The following PRR14L variants were observed in gnomAD, a reference collection of about 807,000 sequenced individuals.
PRR14L encodes the protein protein PRR14L.
Under a neutral mutation model 155.0 loss-of-function variants are expected in PRR14L, and 80 were observed. That is an observed-to-expected ratio of 0.52 (90% CI 0.43 to 0.62). The LOEUF (loss-of-function observed/expected upper bound fraction) is 0.62, where lower values mean the gene tolerates loss of function less well. Among genes scored for constraint, PRR14L ranks in the 20% least tolerant of loss-of-function variants. The pLI, the probability that PRR14L is intolerant of heterozygous loss-of-function variation, is 0.00. For missense variants in PRR14L, 2,469 were observed against 2,548.0 expected, an observed-to-expected ratio of 0.97 and a Z score of 0.67; for synonymous variants, 883 against 916.0, an observed-to-expected ratio of 0.96 and a Z score of 0.65.
At chr22:31,733,298 GTTTTTT>G (rs1162819822) in intron 2 of PRR14L, among the ~76,000 whole-genome samples, 7 of 64,068 alleles carry the variant, frequency 1.1e-4, no homozygotes, top group Admixed American at 6.9e-4. Flanking sequence ...CCTGGCCACT[GTTTTTT>G]TTTTTTTTTT....
chr22:31,711,299 C>A (rs932623232), intron 4 of PRR14L, among the ~76,000 whole-genome samples: 1 of 151,778 alleles, frequency 6.6e-6, no homozygotes, highest in Admixed American at 6.6e-5. Context: ...ATGGTGAAAC[C>A]GTCTCTACTA....
At chr22:31,686,217 G>A (rs1046991502) in intron 8 of PRR14L, among the ~76,000 whole-genome samples, 8 of 150,800 alleles carry the variant, frequency 5.3e-5, no homozygotes, top group Non-Finnish European at 1.5e-5. Context: ...TCCTGCCTCA[G>A]CCTCCCAAGT....
chr22:31,717,043 T>C lies in PRR14L; in HGVS notation c.796A>G (p.Thr266Ala). ...TFVDPVLTEA[T>A]PKEKECEELK... ...TCTTCACATTCTTTTTCTTTAGGAG[T>C]TGCTTCTGTTAATACAGGGTCCACA... The change falls in exon 4 of 9, where the codon ACT becomes GCT. Residue 266 changes from threonine (T) to alanine (A), a missense_variant. Transcript: ENST00000327423. The C allele has an allele frequency of 6.4e-7, 1 of 1,551,762 alleles. No individual in the cohort carries two copies. The highest frequency in any genetic ancestry group is 8.7e-7 in the Non-Finnish European group (1 of 1,147,000).
intron 4 of PRR14L, among the ~76,000 whole-genome samples, chr22:31,711,409 T>C (rs544882738): frequency 3.9e-5 from 6 of 152,070 alleles, no homozygotes; most frequent in African/African-American, 1.2e-4. Flanking sequence ...AGGCAGAAGT[T>C]GTGGTCAGCC....
intron 2 of PRR14L, among the ~76,000 whole-genome samples, chr22:31,727,569 T>G (rs1276874170): frequency 6.6e-6 from 1 of 152,064 alleles, no homozygotes; most frequent in East Asian, 1.9e-4. Context: ...AAAGAGAGAC[T>G]TCCTCCCTGA....
At chr22:31,738,362 T>A in intron 2 of PRR14L, 25 bp downstream of exon 2, 1 of 1,534,012 alleles carries the variant, frequency 6.5e-7, no homozygotes, top group African/African-American at 1.4e-5. Context: ...ACTCAACTCT[T>A]CGGAATGGAG....
intron 1 of PRR14L, among the ~76,000 whole-genome samples, chr22:31,748,242 C>T (rs962591410): frequency 6.6e-6 from 1 of 152,180 alleles, no homozygotes; most frequent in African/African-American, 2.4e-5. Context: ...GGAGAATGGG[C>T]CTCTTCTTGA....
At chr22:31,722,770 G>T (rs1202341359) in intron 3 of PRR14L, among the ~76,000 whole-genome samples, 1 of 152,020 alleles carries the variant, frequency 6.6e-6, no homozygotes, top group Admixed American at 6.6e-5. Context: ...CTGACCTCGT[G>T]ATCTGCCTGC....
intron 1 of PRR14L, among the ~76,000 whole-genome samples, chr22:31,747,953 A>C (rs771093968): frequency 6.6e-6 from 1 of 152,050 alleles, no homozygotes; most frequent in Non-Finnish European, 1.5e-5. Flanking sequence ...TCCCCAAAAC[A>C]AAAGTTCTGG....
At chr22:31,689,044 TC>T (rs1211206739) in intron 7 of PRR14L, among the ~76,000 whole-genome samples, 2 of 152,226 alleles carry the variant, frequency 1.3e-5, no homozygotes, top group African/African-American at 4.8e-5. Context: ...ATGAATTGGT[TC>T]CCCAGTATCT....
intron 7 of PRR14L, among the ~76,000 whole-genome samples, chr22:31,701,221 C>A (rs971444055): frequency 6.6e-5 from 10 of 151,904 alleles, no homozygotes; most frequent in African/African-American, 2.2e-4. Context: ...CTCCCGACCT[C>A]AGGTGATCTC....
At chr22:31,721,990 C>G (rs1464398621) in intron 3 of PRR14L, among the ~76,000 whole-genome samples, 1 of 152,022 alleles carries the variant, frequency 6.6e-6, no homozygotes, top group African/African-American at 2.4e-5. Flanking sequence ...ATTCCTCAGC[C>G]AATTTATAAT....
rs2074795537 is a variant in PRR14L at position 31,738,543 on chromosome 22, C to T, written c.318G>A (p.Gly106=). 3 of 1,552,024 alleles carry T rather than the reference C, an allele frequency of 1.9e-6. No individual in the cohort carries two copies. The highest frequency in any genetic ancestry group is 2.7e-5 in the African/African-American group (2 of 73,178). ...CGCTTCTCTTTGCCCTATCCAAGATCCCAGATGCCACAGAACCTCCTGCTG... is the reference window on the plus strand; with the variant it reads ...CGCTTCTCTTTGCCCTATCCAAGATTCCAGATGCCACAGAACCTCCTGCTG... The part of the protein sequence containing the change: ...DSTAGGSVAS[G]ILDRAKRSES... The change falls in exon 2 of 9, where the codon GGG becomes GGA. Residue 106 remains glycine (G), a synonymous_variant. Transcript: ENST00000327423.
Position 31,712,800 on chromosome 22 carries a change from T to C in PRR14L, c.5039A>G (p.Asp1680Gly), listed in dbSNP as rs1178487113. 9.0e-6 allele frequency: 14 copies of C among 1,552,086 alleles called. No homozygotes were observed. Among genetic ancestry groups the C allele is most frequent in the Non-Finnish European group, 1.2e-5 (14 of 1,147,080 alleles). ...CATGGGCTTACTGTTAGGCCTCTTATCCCATCCACTAGCTGCCAAATATGG... is the reference window on the plus strand; with the variant it reads ...CATGGGCTTACTGTTAGGCCTCTTACCCCATCCACTAGCTGCCAAATATGG... The part of the protein sequence containing the change: ...LNPYLAASGW[D>G]KRPNSKPMAL... Residue 1680 changes from aspartate (D) to glycine (G), a missense_variant, in exon 4 of 9, where the codon GAT (aspartate) becomes GGT (glycine). Physicochemically the swap from Asp to Gly is moderately conservative, Grantham distance 94. Coordinates refer to ENST00000327423, the MANE Select transcript of PRR14L (RefSeq NM_173566.3).
At chr22:31,743,991 G>A (rs940202570) in intron 1 of PRR14L, among the ~76,000 whole-genome samples, 3 of 147,916 alleles carry the variant, frequency 2.0e-5, no homozygotes, top group South Asian at 2.2e-4. Flanking sequence ...TAAATAAGAC[G>A]CCCTCAGCAA....
intron 4 of PRR14L, among the ~76,000 whole-genome samples, chr22:31,705,076 ATGGCGAGACCTTGTT>A (rs1235855559): frequency 2.0e-5 from 3 of 152,232 alleles, no homozygotes; most frequent in African/African-American, 7.2e-5. Context: ...CTTGGGCAAC[ATGGCGAGACCTTGTT>A]TCCACAAAAA....
At chr22:31,711,801 G>A (rs200262327) in intron 4 of PRR14L, among the ~76,000 whole-genome samples, 107 of 109,518 alleles carry the variant, frequency 9.8e-4, no homozygotes, top group South Asian at 2.9e-3. Context: ...AAAAAAAAAA[G>A]AAGATTCAAC....
chr22:31,740,079 T>TA (rs1360679696), intron 1 of PRR14L, among the ~76,000 whole-genome samples: 3 of 152,096 alleles, frequency 2.0e-5, no homozygotes, highest in Non-Finnish European at 2.9e-5. Flanking sequence ...ATTTTTTTTT[T>TA]AGACAGGATC....
At chr22:31,696,623 C>T (rs1032709948) in intron 7 of PRR14L, among the ~76,000 whole-genome samples, 1 of 152,194 alleles carries the variant, frequency 6.6e-6, no homozygotes, top group East Asian at 1.9e-4. Flanking sequence ...CTGAATTGCT[C>T]TTGCAGGTCT....
Sources: allele counts gnomAD v4.1 joint callset (sites outside exome capture counted in the v4.1 genomes callset), GRCh38; gene constraint gnomAD v4.1.1; transcripts MANE v1.5; gene names NCBI Gene and HGNC (gene_info 2026-07-23, HGNC 2026-07-21).